The following LGR6 variants were observed in gnomAD, a reference collection of about 807,000 sequenced individuals.
LGR6 encodes the protein leucine-rich repeat-containing G protein-coupled receptor 6.
LGR6 carries 45 observed loss-of-function variants against 69.4 expected under a neutral mutation model. The ratio of observed to expected loss-of-function variants is 0.65; its 90% CI spans 0.51 to 0.83. The LOEUF is 0.83. Ranked by LOEUF, LGR6 falls within the 40% of genes least tolerant of loss-of-function variation. The pLI, the probability that LGR6 is intolerant of heterozygous loss-of-function variation, is 0.00. For synonymous variants in LGR6, 538 were observed against 555.0 expected (o/e 0.97, Z 0.43); for missense variants, 1,108 against 1,246.7 (o/e 0.89, Z 1.68).
intron 11 of LGR6, among the ~76,000 whole-genome samples, chr1:202,305,045 C>T (rs1179968460): frequency 2.0e-5 from 3 of 152,146 alleles, no homozygotes; most frequent in South Asian, 4.1e-4. Context: ...TTTCCTCTCT[C>T]CTTGGACTCC....
chr1:202,309,247 G>C (rs1207531958), intron 15 of LGR6, 71 bp downstream of exon 15: 12 of 1,575,604 alleles, frequency 7.6e-6, no homozygotes, highest in Non-Finnish European at 1.0e-5. Flanking sequence ...GAGAAAGCCA[G>C]ATGGCCCCAC....
intron 4 of LGR6, among the ~76,000 whole-genome samples, chr1:202,251,257 C>T (rs1039277062): frequency 6.6e-6 from 1 of 152,076 alleles, no homozygotes; most frequent in African/African-American, 2.4e-5. Context: ...AGAGCCTGCA[C>T]GCTCGTATGT....
At chr1:202,254,256 A>G (rs1210883334) in intron 4 of LGR6, among the ~76,000 whole-genome samples, 1 of 152,132 alleles carries the variant, frequency 6.6e-6, no homozygotes, top group Non-Finnish European at 1.5e-5. Flanking sequence ...TACTGTTCTT[A>G]TTAGACTAAT....
intron 1 of LGR6, among the ~76,000 whole-genome samples, chr1:202,215,382 A>G (rs1312798782): frequency 2.6e-5 from 4 of 152,256 alleles, no homozygotes; most frequent in Non-Finnish European, 4.4e-5. Flanking sequence ...AGGGAAGTGC[A>G]GTTTTTACCC....
At chr1:202,276,743 AG>A (rs1236325228) in intron 5 of LGR6, among the ~76,000 whole-genome samples, 2 of 152,214 alleles carry the variant, frequency 1.3e-5, no homozygotes, top group Admixed American at 6.5e-5. Context: ...GTGCTCTGAG[AG>A]TCACTAAAGG....
At chr1:202,303,024 G>T (rs557204057) in intron 9 of LGR6, among the ~76,000 whole-genome samples, 1 of 152,138 alleles carries the variant, frequency 6.6e-6, no homozygotes, top group Admixed American at 6.5e-5. Flanking sequence ...AAGCTGAAGC[G>T]TGAATGCTGA....
At position 202,206,192 on chromosome 1, in the gene LGR6, G is replaced by A. The variant is rs918872854; in HGVS notation, c.212+11991G>A. 5.2e-5 allele frequency among the ~76,000 whole-genome samples: 8 copies of A among 152,386 alleles called. No individual in the cohort carries two copies. The East Asian group carries it at 7.7e-4, about 15-fold the overall frequency. The stretch of plus-strand genomic sequence containing the variant: ...GCAGTTAGGGGCTGTAAACTAATCC[G>A]CTGCCTTTGTGGTGGACAGAGCAGA... On this transcript the variant is annotated intron_variant, in intron 1 of 17. Coordinates refer to ENST00000367278, the MANE Select transcript of LGR6 (RefSeq NM_001017403.2).
At chr1:202,304,898 G>A (rs1667872848) in intron 11 of LGR6, among the ~76,000 whole-genome samples, 1 of 152,070 alleles carries the variant, frequency 6.6e-6, no homozygotes. Context: ...GTAAGGGTTG[G>A]AAAAAATATG....
intron 17 of LGR6, 140 bp from the exon 18 acceptor site, chr1:202,317,812 G>GAC: frequency 1.2e-6 from 1 of 835,952 alleles, no homozygotes; most frequent in Non-Finnish European, 1.8e-6. Context: ...GCCTCCCTTA[G>GAC]ACTGGGAGTT....
intron 3 of LGR6, among the ~76,000 whole-genome samples, chr1:202,232,611 C>T (rs1173230394): frequency 6.6e-6 from 1 of 152,038 alleles, no homozygotes; most frequent in Non-Finnish European, 1.5e-5. Context: ...ATTGCTTGAA[C>T]CCAGGAGTTT....
intron 1 of LGR6, among the ~76,000 whole-genome samples, chr1:202,201,443 A>C (rs933346261): frequency 8.5e-5 from 13 of 152,224 alleles, no homozygotes. Flanking sequence ...ATCTCACATA[A>C]ACCCCATGAG....
At chr1:202,247,791 A>C (rs1662849957) in intron 4 of LGR6, among the ~76,000 whole-genome samples, 1 of 152,196 alleles carries the variant, frequency 6.6e-6, no homozygotes, top group Non-Finnish European at 1.5e-5. Context: ...TGATCCCATC[A>C]TGACGTTTTC....
At chr1:202,238,019 TATG>T (rs1269449682) in intron 4 of LGR6, among the ~76,000 whole-genome samples, 7 of 152,120 alleles carry the variant, frequency 4.6e-5, no homozygotes, top group African/African-American at 1.4e-4. Flanking sequence ...AGCTATAATG[TATG>T]ATGATGTTAT....
At chr1:202,280,588 C>A (rs375122923) in intron 5 of LGR6, among the ~76,000 whole-genome samples, 193 bp from the exon 6 acceptor site, 1 of 152,264 alleles carries the variant, frequency 6.6e-6, no homozygotes, top group South Asian at 2.1e-4. Flanking sequence ...TGTGGTCAAT[C>A]CAGCCTTGGA....
In LGR6 at chr1:202,319,444, G is replaced by T; in HGVS notation, c.*237G>T. 1 of 495,886 alleles carries T rather than the reference G, an allele frequency of 2.0e-6. No homozygotes were observed. Among genetic ancestry groups the T allele is most frequent in the Non-Finnish European group, 3.5e-6 (1 of 284,318 alleles). 30.7% of individuals were successfully genotyped at this position (495,886 alleles called of 1,614,324 possible). A position where few individuals can be genotyped will look rare whatever the true frequency, so the allele number is the denominator to read the frequency against. ...CACCTTGATACTGGGCCTCTTCCTT[G>T]TCATGTCTGAAGCTGTGGACCAGAG... On this transcript the variant is annotated 3_prime_UTR_variant, in exon 18 of 18. Transcript: ENST00000367278.
chr1:202,233,779 C>T (rs1661292514), intron 3 of LGR6, among the ~76,000 whole-genome samples: 1 of 152,188 alleles, frequency 6.6e-6, no homozygotes, highest in African/African-American at 2.4e-5. Context: ...CTGTGTGAGA[C>T]ACTGCCATTG....
intron 1 of LGR6, among the ~76,000 whole-genome samples, chr1:202,223,782 C>T (rs929319636): frequency 7.3e-5 from 11 of 150,270 alleles, no homozygotes; most frequent in Non-Finnish European, 1.5e-5. Flanking sequence ...CTCCTCTCTA[C>T]TACTTTCCTC....
At chr1:202,213,988 T>C (rs999761780) in intron 1 of LGR6, 9 of 935,878 alleles carry the variant, frequency 9.6e-6, no homozygotes, top group South Asian at 4.9e-5. Context: ...AGTCTTTCTA[T>C]AGCTCTGATG....
At chr1:202,265,256 A>G (rs952340609) in intron 4 of LGR6, among the ~76,000 whole-genome samples, 1 of 151,974 alleles carries the variant, frequency 6.6e-6, no homozygotes, top group Admixed American at 6.6e-5. Context: ...TCTGCTCCCC[A>G]TGCTCTCTGT....
Sources: gnomAD v4.1 joint callset for allele counts (sites outside exome capture counted in the v4.1 genomes callset) on GRCh38, gnomAD v4.1.1 for gene constraint, MANE v1.5 for transcripts, NCBI Gene and HGNC (gene_info 2026-07-23, HGNC 2026-07-21) for gene names.